The following SCARB1 variants were observed in gnomAD, a reference collection of about 807,000 sequenced individuals.
SCARB1 encodes the protein scavenger receptor class B member 1, also known as CD36 and LIMPII analogous 1.
A neutral mutation model predicts 57.2 loss-of-function variants in SCARB1; 30 were observed. The ratio of observed to expected loss-of-function variants is 0.52; its 90% CI spans 0.39 to 0.71. The LOEUF (loss-of-function observed/expected upper bound fraction) is 0.71. Ranked by LOEUF, SCARB1 falls within the 30% of genes least tolerant of loss-of-function variation. The pLI is 0.00. For synonymous variants in SCARB1, 249 were observed against 268.3 expected (o/e 0.93, Z 0.70); for missense variants, 543 against 671.2 (o/e 0.81, Z 2.11).
In SCARB1 at chr12:124,779,642, A is replaced by C. The variant is rs922227921; in HGVS notation, c.*1-1056T>G. On this transcript the variant is annotated intron_variant, in intron 12 of 12. Coordinates refer to ENST00000261693, the MANE Select transcript of SCARB1 (RefSeq NM_005505.5). ...AGTTGTAGAAAATTTCTCAACTTAA[A>C]AATTAAAAATACAGATAATGCTAAT... is the stretch of plus-strand genomic sequence containing the variant. Among the ~76,000 whole-genome samples, 48 of 152,330 alleles carry C rather than the reference A, an allele frequency of 3.2e-4. No individual in the cohort carries two copies. In the Middle Eastern group the frequency reaches 0.01, roughly 32 times the overall value.
At chr12:124,787,598 C>T (rs1347024255) in intron 9 of SCARB1, 141 bp from the exon 10 acceptor site, 1 of 729,702 alleles carries the variant, frequency 1.4e-6, no homozygotes, top group African/African-American at 1.7e-5. Flanking sequence ...AAACAATGAG[C>T]TGAAACACTT....
intron 1 of SCARB1, among the ~76,000 whole-genome samples, chr12:124,834,771 G>A (rs1038189958): frequency 1.9e-4 from 29 of 152,168 alleles, no homozygotes; most frequent in African/African-American, 6.3e-4. Flanking sequence ...AGCCAGGCAT[G>A]GTGGCATGTA....
Position 124,808,108 on chromosome 12 carries a change from G to A in SCARB1, c.843-181C>T, listed in dbSNP as rs138248017. Among the ~76,000 whole-genome samples, 11 of 152,162 alleles carry A rather than the reference G, an allele frequency of 7.2e-5. No individual in the cohort carries two copies. In the East Asian group the frequency reaches 1.2e-3, roughly 16 times the overall value. Reference sequence around the variant, plus strand: ...ACCTCCTAACAGGCCTCTCCGCTCCGACTCTGCCTCCCCACCCACATCAAT... The same window carrying A: ...ACCTCCTAACAGGCCTCTCCGCTCCAACTCTGCCTCCCCACCCACATCAAT... On this transcript the variant is annotated intron_variant, in intron 6 of 12. Coordinates refer to ENST00000261693, the MANE Select transcript of SCARB1 (RefSeq NM_005505.5).
chr12:124,835,240 G>A (rs1380515675), intron 1 of SCARB1, among the ~76,000 whole-genome samples: 1 of 150,578 alleles, frequency 6.6e-6, no homozygotes, highest in African/African-American at 2.5e-5. Flanking sequence ...CATCGCACCG[G>A]TCTATTTTTA....
At chr12:124,815,150 C>T (rs765474342) in intron 2 of SCARB1, 36 bp from the exon 3 acceptor site, 21 of 1,608,986 alleles carry the variant, frequency 1.3e-5, no homozygotes, top group East Asian at 2.2e-5. Context: ...CGCCCCGCCC[C>T]GCTGCATGGG....
intron 11 of SCARB1, chr12:124,783,225 T>C: frequency 4.4e-6 from 1 of 225,834 alleles, no homozygotes; most frequent in South Asian, 6.5e-5. Flanking sequence ...ATTACTGCTT[T>C]TTTTAATTTT....
rs1949636727 is a variant in SCARB1 at position 124,789,273 on chromosome 12, T to C, written c.1203-1816A>G. Among the ~76,000 whole-genome samples, 1 of 152,126 alleles carries C rather than the reference T, an allele frequency of 6.6e-6. No homozygotes were observed. The highest frequency in any genetic ancestry group is 1.5e-5 in the Non-Finnish European group (1 of 68,034). ...CCCAAAACCCATCACCCCAGTCTAA[T>C]CATGAGAAAAGCACCAGACCAATCC... On this transcript the variant is annotated intron_variant, in intron 9 of 12. Coordinates refer to ENST00000261693, the MANE Select transcript of SCARB1 (RefSeq NM_005505.5). The surrounding 1 kb of genome is among the most constrained non-coding windows in gnomAD (Gnocchi z 4.4).
chr12:124,805,599 G>T (rs185454764), intron 7 of SCARB1, among the ~76,000 whole-genome samples: 1 of 152,172 alleles, frequency 6.6e-6, no homozygotes, highest in East Asian at 1.9e-4. Context: ...TTCCTCTGTT[G>T]CCCAGGCTGG....
At chr12:124,858,850 G>C (rs1952758302) in intron 1 of SCARB1, among the ~76,000 whole-genome samples, 2 of 151,504 alleles carry the variant, frequency 1.3e-5, no homozygotes, top group Admixed American at 1.3e-4. Flanking sequence ...CTGCACTCCA[G>C]CCTGGGCGAC....
chr12:124,843,711 C>T (rs749568762), intron 1 of SCARB1, among the ~76,000 whole-genome samples: 2 of 152,188 alleles, frequency 1.3e-5, no homozygotes, highest in African/African-American at 2.4e-5. Context: ...AAGGGCCCTA[C>T]ATCCAAGCTG....
Position 124,817,606 on chromosome 12 carries a change from G to A in SCARB1, c.228C>T (p.Ser76=), listed in dbSNP as rs146377057. The change falls in exon 2 of 13, where the codon AGC becomes AGT. Residue 76 remains serine (S), a synonymous_variant. Transcript: ENST00000261693. This position sits in a 1 kb window ranked among gnomAD's most constrained non-coding sequence, Gnocchi z 4.8. ...GCGGCTTCTCGCCCTTCAGGATCTC[G>A]CTGGGGTTCATGACGTCAAAGAAGT... ...SVYFFDVMNP[S]EILKGEKPQV... 1.3e-4 allele frequency: 203 copies of A among 1,614,212 alleles called. No individual in the cohort carries two copies. The African/African-American group carries it at 2.2e-3, about 17-fold the overall frequency.
intron 1 of SCARB1, among the ~76,000 whole-genome samples, chr12:124,858,737 G>A (rs1952747144): frequency 6.6e-6 from 1 of 152,056 alleles, no homozygotes; most frequent in African/African-American, 2.4e-5. Flanking sequence ...AAACTAGGTG[G>A]GTGCGGTGGC....
At chr12:124,841,250 T>C (rs925315607) in intron 1 of SCARB1, among the ~76,000 whole-genome samples, 2 of 151,900 alleles carry the variant, frequency 1.3e-5, no homozygotes, top group Admixed American at 6.6e-5. Flanking sequence ...CGGGCGCCTG[T>C]AGTCCCAGCT....
intron 7 of SCARB1, among the ~76,000 whole-genome samples, chr12:124,806,933 T>C (rs1311572430): frequency 6.6e-6 from 1 of 151,542 alleles, no homozygotes; most frequent in Non-Finnish European, 1.5e-5. Context: ...GCGCGGTGGC[T>C]CACACCTATA....
rs1411866931 is a variant in SCARB1 at position 124,814,480 on chromosome 12, C to T, written c.427-75G>A. 50 of 1,473,254 alleles carry T rather than the reference C, an allele frequency of 3.4e-5. No homozygotes were observed. The highest frequency in any genetic ancestry group is 5.1e-5 in the Admixed American group (3 of 58,480). The allele number at this position is 1,473,254 out of a possible 1,614,324, so 91.3% of individuals were successfully genotyped here. On this transcript the variant is annotated intron_variant, in intron 3 of 12. Coordinates refer to ENST00000261693, the MANE Select transcript of SCARB1 (RefSeq NM_005505.5). The surrounding 1 kb of genome is among the most constrained non-coding windows in gnomAD (Gnocchi z 4.7). ...TCCTCCCTTGGCCCCAGCTGGGCCT[C>T]ACAGCAAAGAGCCCATGAAGGGAAA...
intron 1 of SCARB1, among the ~76,000 whole-genome samples, chr12:124,843,243 C>T (rs1372821506): frequency 6.7e-6 from 1 of 149,880 alleles, no homozygotes; most frequent in African/African-American, 2.5e-5. Context: ...AGCTGCTCTC[C>T]TTGGCCTCCA....
chr12:124,813,925 C>T (rs1950604978), intron 4 of SCARB1, among the ~76,000 whole-genome samples: 1 of 152,214 alleles, frequency 6.6e-6, no homozygotes, highest in Non-Finnish European at 1.5e-5. Context: ...CCCCTTCCTC[C>T]AGCAAAGCCT....
At chr12:124,837,222 T>G (rs1380026776) in intron 1 of SCARB1, among the ~76,000 whole-genome samples, 1 of 152,120 alleles carries the variant, frequency 6.6e-6, no homozygotes, top group Non-Finnish European at 1.5e-5. Context: ...TCCACACAAG[T>G]CAGACAGTGA....
intron 6 of SCARB1, among the ~76,000 whole-genome samples, chr12:124,808,966 A>C (rs1026922391): frequency 5.3e-5 from 8 of 152,228 alleles, no homozygotes; most frequent in African/African-American, 1.9e-4. Flanking sequence ...CCACTAAAAA[A>C]TTTTAAATTG....
Sources: allele counts gnomAD v4.1 joint callset (sites outside exome capture counted in the v4.1 genomes callset), GRCh38; gene constraint gnomAD v4.1.1; non-coding constraint Gnocchi (gnomAD v3.1); transcripts MANE v1.5; gene names NCBI Gene and HGNC (gene_info 2026-07-23, HGNC 2026-07-21).